Variants in CNTN3 observed in about 807,000 individuals in gnomAD.
The protein encoded by CNTN3 is contactin-3.
A neutral mutation model predicts 119.1 loss-of-function variants in CNTN3; 60 were observed. The ratio of observed to expected loss-of-function variants is 0.50; its 90% CI spans 0.41 to 0.62. The LOEUF is 0.62. CNTN3 is among the 20% of genes least tolerant of loss of function. The pLI, the probability that CNTN3 is intolerant of heterozygous loss-of-function variation, is 0.00. For missense variants in CNTN3, 1,101 were observed against 1,242.4 expected, an observed-to-expected ratio of 0.89 and a Z score of 1.71; for synonymous variants, 450 against 438.7, an observed-to-expected ratio of 1.03 and a Z score of -0.32.
intron 2 of CNTN3, among the ~76,000 whole-genome samples, chr3:74,517,041 C>T (rs1703462123): frequency 6.6e-6 from 1 of 151,846 alleles, no homozygotes; most frequent in Non-Finnish European, 1.5e-5. Flanking sequence ...GTCATGCCCA[C>T]AGGCCAGACC....
At chr3:74,335,465 C>T (rs951454622) in intron 12 of CNTN3, among the ~76,000 whole-genome samples, 2 of 152,114 alleles carry the variant, frequency 1.3e-5, no homozygotes, top group African/African-American at 4.8e-5. Context: ...CCTGTCATCA[C>T]CACCTCCTTC....
In CNTN3 at chr3:74,264,475, C is replaced by T; in HGVS notation, c.3013G>A (p.Ala1005Thr). The T allele has an allele frequency of 6.2e-7, 1 of 1,611,746 alleles. No homozygotes were observed. Among genetic ancestry groups the T allele is most frequent in the Non-Finnish European group, 8.5e-7 (1 of 1,178,414 alleles). ...TSMDARGSTSAISNVHPMSSY... is the reference protein window; with the variant it reads ...TSMDARGSTSTISNVHPMSSY... ...GACATAGGGTGGACATTCGAGATGGCTGAAGTGGATCCTCTTGCATCCATA... is the reference window on the plus strand; with the variant it reads ...GACATAGGGTGGACATTCGAGATGGTTGAAGTGGATCCTCTTGCATCCATA... Residue 1005 changes from alanine to threonine, a missense_variant, in exon 23 of 23, where the codon GCC becomes ACC. Coordinates refer to ENST00000263665, the MANE Select transcript of CNTN3 (RefSeq NM_020872.3).
chr3:74,358,025 G>C (rs1472467267), intron 11 of CNTN3, among the ~76,000 whole-genome samples: 1 of 152,194 alleles, frequency 6.6e-6, no homozygotes, highest in East Asian at 1.9e-4. Context: ...GTTGCCAAGT[G>C]ATGACTGCGG....
At chr3:74,607,839 A>G (rs181965730) in intron 1 of CNTN3, among the ~76,000 whole-genome samples, 1 of 152,348 alleles carries the variant, frequency 6.6e-6, no homozygotes, top group East Asian at 1.9e-4. Flanking sequence ...TTGTTCTTTA[A>G]GTTAAAATCC....
chr3:74,611,687 AGAAAG>A (rs1416635092), intron 1 of CNTN3, among the ~76,000 whole-genome samples: 3 of 152,188 alleles, frequency 2.0e-5, no homozygotes, highest in Non-Finnish European at 2.9e-5. Flanking sequence ...TTCAAGCATA[AGAAAG>A]GAAACTGTCC....
intron 4 of CNTN3, among the ~76,000 whole-genome samples, chr3:74,474,614 CT>C (rs1273564246): frequency 2.0e-5 from 3 of 152,104 alleles, no homozygotes; most frequent in Non-Finnish European, 4.4e-5. Flanking sequence ...CTCCCTCAGC[CT>C]CCCAAGTAGC....
At chr3:74,344,349 T>C (rs1366230294) in intron 11 of CNTN3, among the ~76,000 whole-genome samples, 5 of 150,854 alleles carry the variant, frequency 3.3e-5, no homozygotes, top group Non-Finnish European at 7.4e-5. Flanking sequence ...TCCGCTTTTA[T>C]TAATATCCAT....
chr3:74,566,853 C>T (rs530845797), intron 1 of CNTN3, among the ~76,000 whole-genome samples: 53 of 152,160 alleles, frequency 3.5e-4, no homozygotes, highest in Non-Finnish European at 5.7e-4. Flanking sequence ...GCATTCCATA[C>T]AGGAATGCAG....
chr3:74,315,084 T>C (rs1702795925), intron 13 of CNTN3, among the ~76,000 whole-genome samples: 2 of 152,204 alleles, frequency 1.3e-5, no homozygotes, highest in Admixed American at 6.5e-5. Flanking sequence ...CCTTGCTGCT[T>C]GTTATACCCT....
chr3:74,451,179 T>C (rs1702146932), intron 4 of CNTN3, among the ~76,000 whole-genome samples: 1 of 152,088 alleles, frequency 6.6e-6, no homozygotes, highest in Non-Finnish European at 1.5e-5. Context: ...GCACCTGTTG[T>C]TTCCTGACTT....
chr3:74,587,512 T>C (rs1303908565), intron 1 of CNTN3, among the ~76,000 whole-genome samples: 3 of 152,096 alleles, frequency 2.0e-5, no homozygotes, highest in East Asian at 1.9e-4. Flanking sequence ...GCAGATTCCA[T>C]CTGCCACTTA....
intron 1 of CNTN3, among the ~76,000 whole-genome samples, chr3:74,588,303 C>T (rs1187506230): frequency 2.6e-5 from 4 of 152,032 alleles, no homozygotes; most frequent in Non-Finnish European, 5.9e-5. Context: ...CATTCTTATA[C>T]ACCAATAACA....
intron 5 of CNTN3, among the ~76,000 whole-genome samples, chr3:74,383,160 C>A (rs1704663761): frequency 6.6e-6 from 1 of 152,152 alleles, no homozygotes; most frequent in East Asian, 1.9e-4. Flanking sequence ...TACTCATACC[C>A]TGTTCTTATG....
At chr3:74,508,593 A>C (rs1703307650) in intron 2 of CNTN3, among the ~76,000 whole-genome samples, 1 of 152,178 alleles carries the variant, frequency 6.6e-6, no homozygotes, top group African/African-American at 2.4e-5. Context: ...GTAAACATAC[A>C]ACTGATAAAA....
At chr3:74,537,955 A>G (rs1392256257) in intron 1 of CNTN3, among the ~76,000 whole-genome samples, 4 of 152,118 alleles carry the variant, frequency 2.6e-5, no homozygotes, top group African/African-American at 4.8e-5. Context: ...CGGTGGACAG[A>G]GACAACCTAG....
At chr3:74,596,077 C>T (rs1372003171) in intron 1 of CNTN3, among the ~76,000 whole-genome samples, 3 of 152,026 alleles carry the variant, frequency 2.0e-5, no homozygotes, top group Non-Finnish European at 2.9e-5. Context: ...GAGTGAACTC[C>T]CATTCACAAT....
At chr3:74,494,832 T>G (rs768865924) in intron 3 of CNTN3, among the ~76,000 whole-genome samples, 1 of 152,030 alleles carries the variant, frequency 6.6e-6, no homozygotes, top group Non-Finnish European at 1.5e-5. Context: ...TTTAAAGGAG[T>G]TACAGCCTAC....
At chr3:74,406,072 G>A (rs1443056174) in intron 5 of CNTN3, among the ~76,000 whole-genome samples, 5 of 151,924 alleles carry the variant, frequency 3.3e-5, no homozygotes, top group East Asian at 1.9e-4. Context: ...GTCTTTTGCC[G>A]TTATAATGCT....
At chr3:74,359,086 G>A (rs540919255) in intron 11 of CNTN3, among the ~76,000 whole-genome samples, 2 of 151,910 alleles carry the variant, frequency 1.3e-5, no homozygotes, top group South Asian at 2.1e-4. Flanking sequence ...TGGGAGGCAG[G>A]CACAAAAACA....
Sources: gnomAD v4.1 joint callset for allele counts (sites outside exome capture counted in the v4.1 genomes callset) on GRCh38, gnomAD v4.1.1 for gene constraint, MANE v1.5 for transcripts, NCBI Gene and HGNC (gene_info 2026-07-23, HGNC 2026-07-21) for gene names.